HNRNPA2B1: variants seen among roughly 807,000 people sequenced by gnomAD.
The protein encoded by HNRNPA2B1 is heterogeneous nuclear ribonucleoprotein A2/B1, also known as heterogeneous nuclear ribonucleoproteins A2/B1.
In HNRNPA2B1, 3 loss-of-function variants were observed where a neutral mutation model predicts 46.3. The observed-to-expected ratio is 0.06, with a 90% confidence interval of 0.03 to 0.17. The LOEUF (loss-of-function observed/expected upper bound fraction) is 0.17. Ranked by LOEUF, HNRNPA2B1 falls within the 10% of genes least tolerant of loss-of-function variation. HNRNPA2B1 has a pLI of 1.00. For missense variants in HNRNPA2B1, 221 were observed against 418.9 expected (o/e 0.53, Z 4.12); for synonymous variants, 225 against 133.8 (o/e 1.68, Z -4.70).
At chr7:26,198,898 C>A (rs551995773) in intron 1 of HNRNPA2B1, 1 of 152,308 alleles carries the variant, frequency 6.6e-6, no homozygotes, top group East Asian at 1.9e-4. Flanking sequence ...CGCATGCTCC[C>A]AACTCCTAAA....
chr7:26,192,601 G>C (rs771051414), intron 9 of HNRNPA2B1, 24 bp from the exon 10 acceptor site: 5 of 1,597,792 alleles, frequency 3.1e-6, no homozygotes, highest in Admixed American at 1.7e-5. Flanking sequence ...AACAGCAAGA[G>C]AAAACAAACT....
At position 26,196,650 on chromosome 7, in the gene HNRNPA2B1, A is replaced by G; in HGVS notation, c.484T>C (p.Tyr162His). The G allele has an allele frequency of 1.9e-6, 3 of 1,612,948 alleles. No homozygotes were observed. The highest frequency in any genetic ancestry group is 2.5e-6 in the Non-Finnish European group (3 of 1,179,166). Residue 162 changes from tyrosine (Y) to histidine (H), a missense_variant, in exon 5 of 11, where the codon TAC becomes CAC. By Grantham distance (83) the Tyr-to-His change is moderately conservative (BLOSUM62 2). Coordinates refer to ENST00000618183, the MANE Select transcript of HNRNPA2B1 (RefSeq NM_002137.4). ...DPVDKIVLQK[Y>H]HTINGHNAEV... Reference sequence around the variant, plus strand: ...GCATTATGACCATTGATGGTATGGTATTTCTGCACTGGAATGAAAAATTCA... The same window carrying G: ...GCATTATGACCATTGATGGTATGGTGTTTCTGCACTGGAATGAAAAATTCA...
chr7:26,192,720 A>G, intron 9 of HNRNPA2B1, 143 bp from the exon 10 acceptor site: 1 of 694,770 alleles, frequency 1.4e-6, no homozygotes, highest in Non-Finnish European at 2.5e-6. Context: ...TAGCAGAATT[A>G]CTCAGGAGAT....
chr7:26,194,545 A>AG (rs199769878), intron 7 of HNRNPA2B1, among the ~76,000 whole-genome samples: 127 of 150,468 alleles, frequency 8.4e-4, no homozygotes, highest in African/African-American at 3.1e-3. Flanking sequence ...CTACAAAAAA[A>AG]CACAAAATTA....
At chr7:26,194,178 C>T (rs1342053815) in intron 7 of HNRNPA2B1, among the ~76,000 whole-genome samples, 2 of 152,040 alleles carry the variant, frequency 1.3e-5, no homozygotes, top group African/African-American at 4.8e-5. Flanking sequence ...GGACGGATCA[C>T]GAGGTCAAGA....
chr7:26,197,691 T>C lies in HNRNPA2B1; in HGVS notation c.48A>G (p.Leu16=). 1 of 1,614,004 alleles carries C rather than the reference T, an allele frequency of 6.2e-7. No individual in the cohort carries two copies. ...AACTTTCTTCTGTGGTTTCAAAGCT[T>C]AAGCCACCAATAAAGAGCTTACGGA... ...EQFRKLFIGG[L]SFETTEESLR... The change falls in exon 2 of 11, where the codon TTA becomes TTG. Residue 16 remains leucine, a synonymous_variant. Coordinates refer to ENST00000618183, the MANE Select transcript of HNRNPA2B1 (RefSeq NM_002137.4).
chr7:26,200,270 G>C (rs1043295825), intron 1 of HNRNPA2B1: 3 of 441,762 alleles, frequency 6.8e-6, no homozygotes, highest in African/African-American at 4.0e-5. Flanking sequence ...CTTTAGAAAG[G>C]GAATAAGAAT....
At chr7:26,195,930 A>G (rs1286322903) in intron 6 of HNRNPA2B1, 21 bp from the exon 7 acceptor site, 1 of 1,595,846 alleles carries the variant, frequency 6.3e-7, no homozygotes. Flanking sequence ...CCAAAAAAAG[A>G]TTACGTTTAC....
At chr7:26,197,237 A>T (rs1256472020) in intron 3 of HNRNPA2B1, 78 bp downstream of exon 3, 10 of 1,474,140 alleles carry the variant, frequency 6.8e-6, no homozygotes, top group Non-Finnish European at 9.1e-6. Context: ...AGTTAAAACT[A>T]AATTCAGAAA....
At position 26,200,735 on chromosome 7, in the gene HNRNPA2B1, G is replaced by C. The variant is rs201165333; in HGVS notation, c.-158C>G. 1 of 902,646 alleles carries C rather than the reference G, an allele frequency of 1.1e-6. No individual in the cohort carries two copies. Among genetic ancestry groups the C allele is most frequent in the Non-Finnish European group, 1.8e-6 (1 of 557,562 alleles). 55.9% of individuals were successfully genotyped at this position (902,646 alleles called of 1,614,324 possible). The stretch of plus-strand genomic sequence containing the variant: ...GGAGCACCTCCGCACGGGACCCGGC[G>C]CTGCTGCTACTGCCGCTAGAGCCGC... On this transcript the variant is annotated 5_prime_UTR_variant, in exon 1 of 11. Coordinates refer to ENST00000618183, the MANE Select transcript of HNRNPA2B1 (RefSeq NM_002137.4).
chr7:26,199,527 TA>T (rs1784102326), intron 1 of HNRNPA2B1: 2 of 152,210 alleles, frequency 1.3e-5, no homozygotes, highest in African/African-American at 4.8e-5. Context: ...ATCTGTCCCG[TA>T]AGGGTTAAAC....
chr7:26,196,363 C>T, intron 6 of HNRNPA2B1, 38 bp downstream of exon 6: 1 of 1,482,612 alleles, frequency 6.7e-7, no homozygotes, highest in South Asian at 1.2e-5. Context: ...AAAATAAAAG[C>T]ACACTCATCC....
At chr7:26,199,013 ACAAAG>A (rs1432481933) in intron 1 of HNRNPA2B1, 4 of 152,222 alleles carry the variant, frequency 2.6e-5, no homozygotes, top group African/African-American at 9.6e-5. Context: ...CCTATGAGAC[ACAAAG>A]CAGTCTTTTG....
At chr7:26,199,666 G>C (rs930050151) in intron 1 of HNRNPA2B1, 1 of 151,694 alleles carries the variant, frequency 6.6e-6, no homozygotes, top group Non-Finnish European at 1.5e-5. Context: ...CCTGCCCCTC[G>C]TGGCCGATGG....
rs1783143996 is a variant in HNRNPA2B1 at position 26,193,507 on chromosome 7, A to C, written c.841+68T>G. On this transcript the variant is annotated intron_variant, in intron 8 of 10. Coordinates refer to ENST00000618183, the MANE Select transcript of HNRNPA2B1 (RefSeq NM_002137.4). ...GGCATCTAGTGACAAACATGGAAAC[A>C]AAAGATCAAGTGTTACAAAGACATT... is the stretch of plus-strand genomic sequence containing the variant. 1.9e-6 allele frequency: 3 copies of C among 1,549,724 alleles called. No homozygotes were observed. In the Admixed American group the frequency reaches 6.5e-5, roughly 34 times the overall value.
chr7:26,195,779 T>A, intron 7 of HNRNPA2B1, 68 bp downstream of exon 7: 1 of 1,523,722 alleles, frequency 6.6e-7, no homozygotes, highest in African/African-American at 1.4e-5. Context: ...AAAATATAAA[T>A]GAAGTAAATA....
chr7:26,195,616 TGA>T (rs1189085292), intron 7 of HNRNPA2B1: 46 of 511,964 alleles, frequency 9.0e-5, no homozygotes, highest in Non-Finnish European at 1.4e-4. Flanking sequence ...TGAGAAAAGA[TGA>T]GATACTCTGA....
chr7:26,192,662 A>G (rs1783032869), intron 9 of HNRNPA2B1, 85 bp from the exon 10 acceptor site: 3 of 1,097,486 alleles, frequency 2.7e-6, no homozygotes, highest in Non-Finnish European at 4.2e-6. Flanking sequence ...TCTATTTTAT[A>G]TCCATCCAGT....
chr7:26,197,175 TAAGAA>T (rs1420960487), intron 3 of HNRNPA2B1, 135 bp downstream of exon 3: 1 of 1,204,736 alleles, frequency 8.3e-7, no homozygotes, highest in African/African-American at 1.5e-5. Flanking sequence ...TAAGCTAGCT[TAAGAA>T]AATGGTCCAG....
Sources: gnomAD v4.1 joint callset for allele counts (sites outside exome capture counted in the v4.1 genomes callset) on GRCh38, gnomAD v4.1.1 for gene constraint, MANE v1.5 for transcripts, NCBI Gene and HGNC (gene_info 2026-07-23, HGNC 2026-07-21) for gene names.